SLC43A3: variants seen among roughly 807,000 people sequenced by gnomAD.
The protein encoded by SLC43A3 is equilibrative nucleobase transporter 1.
SLC43A3 carries 33 observed loss-of-function variants against 53.3 expected under a neutral mutation model. The observed-to-expected ratio is 0.62, with a 90% CI of 0.47 to 0.83. The LOEUF (loss-of-function observed/expected upper bound fraction) is 0.83, where lower values mean the gene tolerates loss of function less well. SLC43A3 is among the 40% of genes least tolerant of loss of function. The probability of loss-of-function intolerance (pLI) is 0.00; values close to 1 mark genes in which losing one functional copy is unlikely to be tolerated. For synonymous variants in SLC43A3, 236 were observed against 246.2 expected (o/e 0.96, Z 0.39); for missense variants, 530 against 610.0 (o/e 0.87, Z 1.38).
In SLC43A3 at chr11:57,417,806, A is replaced by C. The variant is rs1565098950; in HGVS notation, c.613T>G (p.Phe205Val). 6.2e-7 allele frequency: 1 copy of C among 1,614,210 alleles called. No homozygotes were observed. The highest frequency in any genetic ancestry group is 2.2e-5 in the East Asian group (1 of 44,876). The change falls in exon 8 of 14, where the codon TTC (phenylalanine) becomes GTC (valine). Residue 205 changes from phenylalanine (F) to valine (V), a missense_variant. Phe to Val is a conservative substitution (Grantham distance 50). This residue lies in a region of SLC43A3 where 376 missense variants were observed against 386.7 expected (regional missense o/e 0.97). Transcript: ENST00000395124. The stretch of plus-strand genomic sequence containing the variant: ...ATGTGCCCCCGGGGCATCAGGAGGA[A>C]AGTGCGTGCTACATGCCAGGTACTG... ...VCSTWHVARTFLLMPRGHIPY... is the reference protein window; with the variant it reads ...VCSTWHVARTVLLMPRGHIPY...
Position 57,424,778 on chromosome 11 carries a change from C to T in SLC43A3, c.315-750G>A, listed in dbSNP as rs184571820. Among the ~76,000 whole-genome samples, 11 of 152,276 alleles carry T rather than the reference C, an allele frequency of 7.2e-5. No individual in the cohort carries two copies. The East Asian group carries it at 1.7e-3, about 24-fold the overall frequency. On this transcript the variant is annotated intron_variant, in intron 4 of 13. Transcript: ENST00000395124. ...GGACTGGCTTTACTCTGGCTGTTTC[C>T]GGAAAGGCAGGCCCAGCCAGCCCTC...
intron 13 of SLC43A3, chr11:57,408,652 T>TA (rs1406315237): frequency 6.5e-6 from 1 of 153,318 alleles, no homozygotes; most frequent in Non-Finnish European, 1.5e-5. Context: ...GCTTTAAAAA[T>TA]AAAAAATGAG....
rs1942255192 is a variant in SLC43A3 at position 57,407,266 on chromosome 11, C to T, written c.*526G>A. 6.5e-6 allele frequency: 1 copy of T among 154,142 alleles called. No homozygotes were observed. The highest frequency in any genetic ancestry group is 2.4e-5 in the African/African-American group (1 of 41,462). The allele number at this position is 154,142 out of a possible 1,614,324, so 9.5% of individuals were successfully genotyped here. On this transcript the variant is annotated 3_prime_UTR_variant, in exon 14 of 14. Transcript: ENST00000395124. ...GGGTCAGGCCAAGGTCATCCAGCAT[C>T]AGTGGCTGGGCTGAGACTGGGCCCA... is the stretch of plus-strand genomic sequence containing the variant.
chr11:57,409,424 A>T, intron 12 of SLC43A3, 126 bp from the exon 13 acceptor site: 1 of 1,067,182 alleles, frequency 9.4e-7, no homozygotes, highest in Non-Finnish European at 1.4e-6. Context: ...CCCTCCAACC[A>T]CACCTGTCTG....
At chr11:57,410,178 C>T (rs772191753) in intron 11 of SLC43A3, 57 bp from the exon 12 acceptor site, 20 of 1,394,798 alleles carry the variant, frequency 1.4e-5, no homozygotes, top group Middle Eastern at 1.9e-4. Context: ...CAGAAGTCAG[C>T]GAAGGGCCAA....
chr11:57,409,969 G>C lies in SLC43A3; in HGVS notation c.1213C>G (p.Leu405Val). The C allele has an allele frequency of 6.2e-7, 1 of 1,613,104 alleles. No homozygotes were observed. The highest frequency in any genetic ancestry group is 1.3e-5 in the African/African-American group (1 of 75,058). ...FILQVISRSF[L>V]YGSNAAFLTL... The stretch of plus-strand genomic sequence containing the variant: ...AGGAAGGCCGCGTTGCTCCCATAGA[G>C]GAAGGAGCGGCTGATCACTTGCAGG... The change falls in exon 12 of 14, where the codon CTC (leucine) becomes GTC (valine). Residue 405 changes from leucine (L) to valine (V), a missense_variant. Coordinates refer to ENST00000395124, the MANE Select transcript of SLC43A3 (RefSeq NM_199329.3).
At position 57,416,607 on chromosome 11, in the gene SLC43A3, C is replaced by T; in HGVS notation, c.735G>A (p.Glu245=). The part of the protein sequence containing the change: ...EKETAEHENR[E]LQSKEFLSAK... The stretch of plus-strand genomic sequence containing the variant: ...CTGAAAGGAACTCCTTTGACTGTAG[C>T]TCCCTGTTTTCATGCTCAGCTGTTT... The change falls in exon 9 of 14, where the codon GAG becomes GAA. Residue 245 remains glutamate, a synonymous_variant. Transcript: ENST00000395124. 1.9e-6 allele frequency: 3 copies of T among 1,614,102 alleles called. No individual in the cohort carries two copies. The highest frequency in any genetic ancestry group is 2.5e-6 in the Non-Finnish European group (3 of 1,179,982).
intron 8 of SLC43A3, 64 bp downstream of exon 8, chr11:57,417,684 C>T (rs1442911788): frequency 8.1e-6 from 13 of 1,596,778 alleles, no homozygotes; most frequent in Non-Finnish European, 1.1e-5. Flanking sequence ...GTTTGCTTTA[C>T]CCTGTCCATC....
chr11:57,414,715 A>G lies in SLC43A3; in HGVS notation c.960T>C (p.Asn320=). 6.2e-7 allele frequency: 1 copy of G among 1,613,922 alleles called. No homozygotes were observed. The highest frequency in any genetic ancestry group is 8.5e-7 in the Non-Finnish European group (1 of 1,179,872). The part of the protein sequence containing the change: ...GDMARVSTYT[N]AFAFTQFGVL... Reference sequence around the variant, plus strand: ...CTCCGAACTGAGTGAAGGCAAAGGCATTTGTGTAGGTGCTGACTGCAGAAG... The same window carrying G: ...CTCCGAACTGAGTGAAGGCAAAGGCGTTTGTGTAGGTGCTGACTGCAGAAG... Residue 320 remains asparagine, a synonymous_variant, in exon 11 of 14, where the codon AAT becomes AAC. Transcript: ENST00000395124.
chr11:57,416,514 G>A (rs1942730076), intron 9 of SLC43A3, 59 bp downstream of exon 9: 1 of 1,404,506 alleles, frequency 7.1e-7, no homozygotes, highest in African/African-American at 1.4e-5. Flanking sequence ...GAGGGGCCAG[G>A]AAAGGCACAA....
At chr11:57,415,892 T>G (rs1159408305) in intron 9 of SLC43A3, among the ~76,000 whole-genome samples, 1 of 152,230 alleles carries the variant, frequency 6.6e-6, no homozygotes, top group Admixed American at 6.5e-5. Flanking sequence ...GCTACTAAGA[T>G]GGTTACTACA....
rs1162338335 is a variant in SLC43A3 at position 57,427,057 on chromosome 11, C to T, written c.-246+5G>A. ...TGGCGCCCGAAAGGGGACCCTTCGC[C>T]CTACCCGCCTGCTCCGCGCCGGGGC... On this transcript the variant is annotated splice_donor_5th_base_variant and intron_variant, in intron 1 of 13. Coordinates refer to ENST00000395124, the MANE Select transcript of SLC43A3 (RefSeq NM_199329.3). 5 of 152,426 alleles carry T rather than the reference C, an allele frequency of 3.3e-5. No individual in the cohort carries two copies. Among genetic ancestry groups the T allele is most frequent in the African/African-American group, 1.2e-4 (5 of 41,454 alleles). 9.4% of individuals were successfully genotyped at this position (152,426 alleles called of 1,614,324 possible).
chr11:57,412,820 A>AC (rs1942540696), intron 11 of SLC43A3, among the ~76,000 whole-genome samples: 1 of 151,950 alleles, frequency 6.6e-6, no homozygotes. Flanking sequence ...AAAAAAAAAA[A>AC]GAAAGAAAAG....
intron 7 of SLC43A3, among the ~76,000 whole-genome samples, chr11:57,418,618 A>C (rs1224552319): frequency 1.3e-5 from 2 of 152,078 alleles, no homozygotes; most frequent in Non-Finnish European, 1.5e-5. Flanking sequence ...ATATGATTAC[A>C]TGATTACATG....
intron 5 of SLC43A3, among the ~76,000 whole-genome samples, chr11:57,423,360 A>G (rs1943069860): frequency 6.6e-6 from 1 of 152,240 alleles, no homozygotes; most frequent in Non-Finnish European, 1.5e-5. Context: ...TTTCATTAAA[A>G]AGAGAAAGAG....
chr11:57,417,654 C>A, intron 8 of SLC43A3, 94 bp downstream of exon 8: 1 of 1,427,890 alleles, frequency 7.0e-7, no homozygotes, highest in Non-Finnish European at 9.6e-7. Context: ...TGCTCCAGTC[C>A]TCCTCCTCTC....
Position 57,426,271 on chromosome 11 carries a change from G to A in SLC43A3, c.-99C>T. 8 of 1,170,782 alleles carry A rather than the reference G, an allele frequency of 6.8e-6. No individual in the cohort carries two copies. Among genetic ancestry groups the A allele is most frequent in the South Asian group, 1.4e-5 (1 of 70,082 alleles). The allele number at this position is 1,170,782 out of a possible 1,614,324, so 72.5% of individuals were successfully genotyped here. A position where few individuals can be genotyped will look rare whatever the true frequency, so the allele number is the denominator to read the frequency against. ...TTTGAGCACTTGGAAAATTCCTCTG[G>A]CAAGCCAAGCCCTTCCTTTCCCGTA... On this transcript the variant is annotated 5_prime_UTR_variant, in exon 3 of 14. Coordinates refer to ENST00000395124, the MANE Select transcript of SLC43A3 (RefSeq NM_199329.3).
At chr11:57,422,738 G>T (rs1010138689) in intron 5 of SLC43A3, among the ~76,000 whole-genome samples, 3 of 152,264 alleles carry the variant, frequency 2.0e-5, no homozygotes, top group African/African-American at 7.2e-5. Flanking sequence ...TTGCAGGCAC[G>T]AGTCAAACAT....
chr11:57,415,206 ACCTTCTAC>A, intron 9 of SLC43A3, 100 bp from the exon 10 acceptor site: 1 of 1,560,544 alleles, frequency 6.4e-7, no homozygotes, highest in Non-Finnish European at 8.7e-7. Context: ...ATCCGGGCCC[ACCTTCTAC>A]CCTTGGCTCC....
Sources: allele counts gnomAD v4.1 joint callset (sites outside exome capture counted in the v4.1 genomes callset), GRCh38; gene constraint gnomAD v4.1.1; regional missense constraint gnomAD v4.1.1; transcripts MANE v1.5; gene names NCBI Gene and HGNC (gene_info 2026-07-23, HGNC 2026-07-21).